The following BDNF variants were observed in gnomAD, a reference collection of about 807,000 sequenced individuals.
BDNF encodes the protein neurotrophic factor BDNF precursor form.
BDNF carries 1 observed loss-of-function variant against 19.5 expected under a neutral mutation model. The observed-to-expected ratio is 0.05, with a 90% CI of 0.02 to 0.24. BDNF has a LOEUF of 0.24. BDNF is among the 10% of genes least tolerant of loss of function. The pLI is 1.00. For missense variants in BDNF, 195 were observed against 317.6 expected (o/e 0.61, Z 2.93); for synonymous variants, 100 against 121.6 (o/e 0.82, Z 1.17).
intron 1 of BDNF, among the ~76,000 whole-genome samples, chr11:27,663,881 A>G (rs1465683387): frequency 6.6e-6 from 1 of 152,222 alleles, no homozygotes; most frequent in Non-Finnish European, 1.5e-5. Context: ...AGATCCTTCA[A>G]CTTTAAGGCT....
intron 1 of BDNF, among the ~76,000 whole-genome samples, chr11:27,690,894 T>C (rs1858162064): frequency 6.6e-6 from 1 of 151,058 alleles, no homozygotes; most frequent in Non-Finnish European, 1.5e-5. Flanking sequence ...CATATCCTTG[T>C]ATGTAAAAAA....
In BDNF at chr11:27,658,712, G is replaced by T. The variant is rs1027796895; in HGVS notation, c.-21-127C>A. The T allele has an allele frequency of 2.7e-5, 43 of 1,570,024 alleles. No homozygotes were observed. The highest frequency in any genetic ancestry group is 3.5e-5 in the Non-Finnish European group (41 of 1,158,486). On this transcript the variant is annotated intron_variant, in intron 1 of 1. Transcript: ENST00000356660. The surrounding 1 kb of genome is among the most constrained non-coding windows in gnomAD (Gnocchi z 5.7). ...GGTCAAGGTTTTTTTATGTCTTGGT[G>T]ATAAACTCCAGCTGCACCAGACACA...
intron 1 of BDNF, chr11:27,699,570 A>G (rs1859641564): frequency 6.6e-7 from 1 of 1,516,442 alleles, no homozygotes; most frequent in South Asian, 1.3e-5. Context: ...TTCAGTTCCC[A>G]GCGGTAGGAA....
intron 1 of BDNF, among the ~76,000 whole-genome samples, chr11:27,689,070 A>G (rs1372180990): frequency 6.6e-6 from 1 of 152,232 alleles, no homozygotes; most frequent in African/African-American, 2.4e-5. Flanking sequence ...TCCTTGGCAC[A>G]CAGAAGGGTA....
chr11:27,701,579 G>T (rs1451720043), upstream of BDNF: 5 of 986,744 alleles, frequency 5.1e-6, no homozygotes, highest in Admixed American at 6.1e-5. Flanking sequence ...ATGCTAGTTC[G>T]CCGGGGGGAG....
At chr11:27,708,552 C>G (rs1326816690) in intron 1 of BDNF, among the ~76,000 whole-genome samples, 4 of 149,322 alleles carry the variant, frequency 2.7e-5, no homozygotes, top group African/African-American at 9.9e-5. Flanking sequence ...TATGATTTTG[C>G]TCTCTGTTTC....
intron 1 of BDNF, among the ~76,000 whole-genome samples, chr11:27,709,559 T>C (rs143305657): frequency 0.016 from 2,456 of 152,294 alleles, 28 homozygotes; most frequent in Non-Finnish European, 0.025. Context: ...GATGTGACTA[T>C]TAGGAAACAG....
chr11:27,713,559 T>C (rs1281203572), intron 1 of BDNF, among the ~76,000 whole-genome samples: 4 of 152,216 alleles, frequency 2.6e-5, no homozygotes, highest in Non-Finnish European at 5.9e-5. Flanking sequence ...GGTTGATATA[T>C]TTCCTTGAAG....
At chr11:27,718,787 C>T (rs1001216621) in intron 1 of BDNF, among the ~76,000 whole-genome samples, 2 of 152,058 alleles carry the variant, frequency 1.3e-5, no homozygotes, top group Admixed American at 1.3e-4. Flanking sequence ...TATGAATCCA[C>T]CTGCGCAGAG....
At position 27,656,448 on chromosome 11, in the gene BDNF, C is replaced by T. The variant is rs1852552812; in HGVS notation, c.*1373G>A. 2.6e-6 allele frequency: 2 copies of T among 774,392 alleles called. No homozygotes were observed. The highest frequency in any genetic ancestry group is 3.8e-5 in the African/African-American group (2 of 52,622). The allele number at this position is 774,392 out of a possible 1,614,324, so 48.0% of individuals were successfully genotyped here. ...GAGGTCCAAGCAGCTTGACACATGT[C>T]ATTCCAGAGCCACCTCTGAAGGGTC... On this transcript the variant is annotated 3_prime_UTR_variant, in exon 2 of 2. Transcript: ENST00000356660.
At chr11:27,706,783 G>T (rs1317907101) in intron 1 of BDNF, among the ~76,000 whole-genome samples, 1 of 152,182 alleles carries the variant, frequency 6.6e-6, no homozygotes, top group Non-Finnish European at 1.5e-5. Context: ...GATTCAATCA[G>T]ATTGACAAAT....
rs888991000 is a variant in BDNF at position 27,666,156 on chromosome 11, G to T, written c.-21-7571C>A. 9.0e-5 allele frequency among the ~76,000 whole-genome samples: 11 copies of T among 122,598 alleles called. 1 individual carries two copies. The Admixed American group carries it at 1.2e-3, about 13-fold the overall frequency. 80.4% of individuals were successfully genotyped at this position (122,598 alleles called of 152,430 possible). ...TCTGCTGGTGATACCCAAGCAAACAGGGTCTGGAGTGGACCTCCAGCAAAC... is the reference window on the plus strand; with the variant it reads ...TCTGCTGGTGATACCCAAGCAAACATGGTCTGGAGTGGACCTCCAGCAAAC... On this transcript the variant is annotated intron_variant, in intron 1 of 1. Coordinates refer to ENST00000356660, the MANE Select transcript of BDNF (RefSeq NM_001709.5).
At chr11:27,698,630 G>A (rs1267449155) in intron 1 of BDNF, among the ~76,000 whole-genome samples, 1 of 152,090 alleles carries the variant, frequency 6.6e-6, no homozygotes, top group Non-Finnish European at 1.5e-5. Context: ...GCAGGATATT[G>A]AGTCAGTAGG....
chr11:27,670,006 C>G (rs1379735755), intron 1 of BDNF, among the ~76,000 whole-genome samples: 2 of 152,186 alleles, frequency 1.3e-5, no homozygotes. Context: ...TGACTTCAAA[C>G]TATATTACAA....
At chr11:27,671,129 G>A (rs1184226344) in intron 1 of BDNF, among the ~76,000 whole-genome samples, 1 of 152,088 alleles carries the variant, frequency 6.6e-6, no homozygotes, top group Non-Finnish European at 1.5e-5. Flanking sequence ...GACACAGGGT[G>A]GGGAACATCA....
chr11:27,703,816 CT>C (rs976317660), upstream of BDNF, among the ~76,000 whole-genome samples: 3 of 152,150 alleles, frequency 2.0e-5, no homozygotes, highest in Non-Finnish European at 4.4e-5. Context: ...CATTTCCAAA[CT>C]TTCTGATTTG....
chr11:27,706,757 G>A (rs1860127835), intron 1 of BDNF, among the ~76,000 whole-genome samples: 1 of 152,156 alleles, frequency 6.6e-6, no homozygotes, highest in African/African-American at 2.4e-5. Flanking sequence ...CAGCTGTTGG[G>A]AAAAACTAAA....
At chr11:27,678,485 GTCATCTGCCA>G (rs1373004593) in intron 1 of BDNF, among the ~76,000 whole-genome samples, 1 of 152,232 alleles carries the variant, frequency 6.6e-6, no homozygotes, top group Admixed American at 6.5e-5. Flanking sequence ...TCCACATGTG[GTCATCTGCCA>G]TTGCATACAC....
intron 1 of BDNF, chr11:27,673,971 G>C (rs1240115407): frequency 7.1e-7 from 1 of 1,417,314 alleles, no homozygotes; most frequent in Non-Finnish European, 9.4e-7. Flanking sequence ...AGAGACCAAA[G>C]AATAACACTC....
Sources: gnomAD v4.1 joint callset for allele counts (sites outside exome capture counted in the v4.1 genomes callset) on GRCh38, gnomAD v4.1.1 for gene constraint, Gnocchi (gnomAD v3.1) non-coding constraint, MANE v1.5 for transcripts, NCBI Gene and HGNC (gene_info 2026-07-23, HGNC 2026-07-21) for gene names.